Variants in NMBR observed in about 807,000 individuals in gnomAD.
The protein encoded by NMBR is neuromedin-B receptor.
Under a neutral mutation model 20.5 loss-of-function variants are expected in NMBR, and 16 were observed. That is an observed-to-expected ratio of 0.78 (90% CI 0.53 to 1.19). NMBR has a LOEUF of 1.19. Ranked by LOEUF, NMBR falls within the 50% of genes most tolerant of loss-of-function variation. The pLI is 0.00. For missense variants in NMBR, 582 were observed against 499.1 expected (o/e 1.17, Z -1.58); for synonymous variants, 212 against 196.6 (o/e 1.08, Z -0.65).
rs926357992 is a variant in NMBR, at chr6:142,089,128, C to G, written c.-470G>C. The G allele has an allele frequency of 5.9e-6, 1 of 168,502 alleles. No homozygotes were observed. Among genetic ancestry groups the G allele is most frequent in the Non-Finnish European group, 1.3e-5 (1 of 76,304 alleles). 10.4% of individuals were successfully genotyped at this position (168,502 alleles called of 1,614,324 possible). ...ACTAGGCGGGGCCACCTGCAACCTG[C>G]TTTTCCCACAGCTTTGCTCTTGTTT... On this transcript the variant is annotated 5_prime_UTR_variant, in exon 2 of 4. Coordinates refer to ENST00000258042, the MANE Select transcript of NMBR (RefSeq NM_002511.4).
At chr6:142,121,897 G>A (rs1175368872) in intron 1 of NMBR, among the ~76,000 whole-genome samples, 1 of 151,888 alleles carries the variant, frequency 6.6e-6, no homozygotes, top group Non-Finnish European at 1.5e-5. Flanking sequence ...TTACCTCAAG[G>A]TGGTAGTCAA....
At chr6:142,119,767 C>A (rs1418627486) in intron 1 of NMBR, among the ~76,000 whole-genome samples, 1 of 151,816 alleles carries the variant, frequency 6.6e-6, no homozygotes, top group Non-Finnish European at 1.5e-5. Flanking sequence ...AGTCATAGAC[C>A]TTGAAACAAA....
intron 1 of NMBR, among the ~76,000 whole-genome samples, chr6:142,130,239 G>A (rs1002589599): frequency 4.6e-5 from 7 of 151,978 alleles, no homozygotes; most frequent in African/African-American, 1.7e-4. Context: ...CTTGCAAAGA[G>A]ACCTAGAGAT....
chr6:142,091,836 T>A (rs1180835081), intron 1 of NMBR, among the ~76,000 whole-genome samples: 1 of 152,216 alleles, frequency 6.6e-6, no homozygotes, highest in Non-Finnish European at 1.5e-5. Context: ...ATACACATTG[T>A]ATATTTTATT....
intron 1 of NMBR, among the ~76,000 whole-genome samples, chr6:142,122,672 T>C (rs1337730305): frequency 1.3e-5 from 2 of 151,884 alleles, no homozygotes; most frequent in Non-Finnish European, 2.9e-5. Context: ...GGAGCTAATA[T>C]TCATTTGGAA....
At chr6:142,102,808 C>T (rs1418471306) in intron 1 of NMBR, among the ~76,000 whole-genome samples, 1 of 152,154 alleles carries the variant, frequency 6.6e-6, no homozygotes, top group South Asian at 2.1e-4. Context: ...ATAAGGCTGG[C>T]TGCAAAATTC....
intron 2 of NMBR, 65 bp from the exon 3 acceptor site, chr6:142,078,968 A>G: frequency 9.1e-7 from 1 of 1,101,642 alleles, no homozygotes; most frequent in Non-Finnish European, 1.3e-6. Context: ...AAAGAAAAGA[A>G]AGAAAGAAAA....
At chr6:142,095,152 C>T (rs1369404532) in intron 1 of NMBR, among the ~76,000 whole-genome samples, 1 of 151,968 alleles carries the variant, frequency 6.6e-6, no homozygotes. Context: ...ATTTCCTTCT[C>T]CTGCCTAATT....
chr6:142,146,502 TAC>T (rs1448822500), intron 1 of NMBR, among the ~76,000 whole-genome samples: 1 of 152,174 alleles, frequency 6.6e-6, no homozygotes, highest in Admixed American at 6.5e-5. Context: ...ATGCCTACTG[TAC>T]AATGGTTAAG....
intron 1 of NMBR, among the ~76,000 whole-genome samples, chr6:142,135,851 T>C (rs1778245877): frequency 6.6e-6 from 1 of 151,830 alleles, no homozygotes; most frequent in Non-Finnish European, 1.5e-5. Flanking sequence ...CTGCATAGTA[T>C]TCCATGGTGT....
intron 1 of NMBR, among the ~76,000 whole-genome samples, chr6:142,116,830 T>G (rs1036913831): frequency 6.6e-6 from 1 of 152,032 alleles, no homozygotes; most frequent in Non-Finnish European, 1.5e-5. Flanking sequence ...TATTCACTGT[T>G]AAACAAATAA....
At chr6:142,125,199 A>T (rs1210118858) in intron 1 of NMBR, among the ~76,000 whole-genome samples, 5 of 151,768 alleles carry the variant, frequency 3.3e-5, no homozygotes, top group Admixed American at 2.6e-4. Flanking sequence ...ATTCAACCCC[A>T]CTTTACCATC....
intron 1 of NMBR, among the ~76,000 whole-genome samples, chr6:142,114,317 T>A (rs147423514): frequency 1.4e-3 from 219 of 152,304 alleles, no homozygotes; most frequent in Non-Finnish European, 2.6e-3. Context: ...TTTTCATTTT[T>A]TTTAAATAAC....
At chr6:142,136,552 A>G (rs982835754) in intron 1 of NMBR, among the ~76,000 whole-genome samples, 3 of 152,098 alleles carry the variant, frequency 2.0e-5, no homozygotes, top group Admixed American at 6.5e-5. Flanking sequence ...TTGGTGTTTT[A>G]GACATGAAGT....
chr6:142,130,322 T>A (rs1009636045), intron 1 of NMBR, among the ~76,000 whole-genome samples: 1 of 152,048 alleles, frequency 6.6e-6, no homozygotes, highest in Admixed American at 6.6e-5. Context: ...TTTTTTCTAA[T>A]TTCTAGTCTC....
At chr6:142,123,394 G>A (rs1440642353) in intron 1 of NMBR, among the ~76,000 whole-genome samples, 2 of 151,956 alleles carry the variant, frequency 1.3e-5, no homozygotes, top group Non-Finnish European at 2.9e-5. Flanking sequence ...TGTGAATATT[G>A]TTGAAATAAC....
intron 1 of NMBR, among the ~76,000 whole-genome samples, chr6:142,094,315 A>G (rs1002373979): frequency 7.9e-5 from 12 of 152,264 alleles, no homozygotes; most frequent in Middle Eastern, 3.4e-3. Flanking sequence ...TCCATCTTGA[A>G]TTAATTTTTG....
chr6:142,091,946 A>G (rs746174637), intron 1 of NMBR, among the ~76,000 whole-genome samples: 4 of 152,164 alleles, frequency 2.6e-5, no homozygotes, highest in Non-Finnish European at 5.9e-5. Context: ...TGAAATTTAA[A>G]CCAATTTTGT....
intron 1 of NMBR, among the ~76,000 whole-genome samples, chr6:142,121,680 AC>A (rs1777945685): frequency 6.6e-6 from 1 of 151,706 alleles, no homozygotes; most frequent in Non-Finnish European, 1.5e-5. Context: ...AACAACAGAA[AC>A]CTTTTATTCC....
Sources: gnomAD v4.1 joint callset for allele counts (sites outside exome capture counted in the v4.1 genomes callset) on GRCh38, gnomAD v4.1.1 for gene constraint, MANE v1.5 for transcripts, NCBI Gene and HGNC (gene_info 2026-07-23, HGNC 2026-07-21) for gene names.